The following DMD variants were observed in gnomAD, a reference collection of about 807,000 sequenced individuals.
DMD encodes the protein dystrophin, also known as mutant dystrophin.
In DMD, 63 loss-of-function variants were observed where a neutral mutation model predicts 330.1. The observed-to-expected ratio is 0.19, with a 90% CI of 0.16 to 0.24. The LOEUF is 0.24. DMD is among the 10% of genes least tolerant of loss of function. The pLI, the probability that DMD is intolerant of heterozygous loss-of-function variation, is 1.00. For missense variants in DMD, 3,344 were observed against 2,684.1 expected, an observed-to-expected ratio of 1.25 and a Z score of -5.43; for synonymous variants, 1,223 against 959.8, an observed-to-expected ratio of 1.27 and a Z score of -5.07.
chrX:31,833,293 G>GAGAGAGAGA (rs1569464426), intron 49 of DMD, among the ~76,000 whole-genome samples: 14 of 13,964 alleles, frequency 1.0e-3, no homozygotes, highest in Non-Finnish European at 1.2e-3. Flanking sequence ...AGAGAGAGAG[G>GAGAGAGAGA]GAGAGAGGGA....
At chrX:32,032,380 T>G (rs1416663270) in intron 44 of DMD, among the ~76,000 whole-genome samples, 1 of 111,677 alleles carries the variant, frequency 9.0e-6, no homozygotes, top group Non-Finnish European at 1.9e-5. Context: ...ATAATGTGTA[T>G]ATATTTATTT....
In DMD at chrX:32,801,063, A is replaced by C. The variant is rs552836469; in HGVS notation, c.649+8430T>G. The stretch of plus-strand genomic sequence containing the variant: ...TACCCAGTGATGGGATTGCTTGGTC[A>C]AATGGTATTTCTGGCTCTAGATCCT... On this transcript the variant is annotated intron_variant, in intron 7 of 78. Transcript: ENST00000357033. Among the ~76,000 whole-genome samples the C allele has an allele frequency of 4.5e-5, 5 of 111,597 alleles. No individual in the cohort carries two copies. The Admixed American group carries it at 4.7e-4, about 11-fold the overall frequency.
chrX:33,329,959 A>G (rs1303414976), intron 1 of DMD, among the ~76,000 whole-genome samples: 1 of 111,590 alleles, frequency 9.0e-6, no homozygotes, highest in Non-Finnish European at 1.9e-5. Flanking sequence ...TCCTTAATCT[A>G]TAAAGGGAAA....
intron 9 of DMD, among the ~76,000 whole-genome samples, chrX:32,684,920 C>T (rs1040420621): frequency 9.0e-6 from 1 of 111,391 alleles, no homozygotes; most frequent in African/African-American, 3.3e-5. Flanking sequence ...TTCTAACTTT[C>T]CTTAGAGTCT....
At chrX:31,649,591 T>G (rs1603439341) in intron 54 of DMD, among the ~76,000 whole-genome samples, 1 of 110,581 alleles carries the variant, frequency 9.0e-6, no homozygotes, top group Non-Finnish European at 1.9e-5. Context: ...ATTTTTTTTT[T>G]TTTTTGAGAC....
chrX:31,950,266 A>C (rs2095143210), intron 45 of DMD, among the ~76,000 whole-genome samples: 1 of 111,597 alleles, frequency 9.0e-6, no homozygotes, highest in Non-Finnish European at 1.9e-5. Context: ...TGGATTTAGA[A>C]GTTGTTGAAT....
intron 48 of DMD, among the ~76,000 whole-genome samples, chrX:31,845,070 A>ATG (rs1224665222): frequency 4.6e-5 from 4 of 87,881 alleles, no homozygotes; most frequent in African/African-American, 1.5e-4. Context: ...ATATATGTAT[A>ATG]TGTGTGTATA....
chrX:31,228,752 C>T (rs1401833202), intron 63 of DMD, among the ~76,000 whole-genome samples: 1 of 112,075 alleles, frequency 8.9e-6, no homozygotes, highest in Non-Finnish European at 1.9e-5. Flanking sequence ...ACAGCCGGAA[C>T]TCAAGAGGAG....
chrX:32,517,798 AT>A, intron 18 of DMD: 1 of 444,664 alleles, frequency 2.2e-6, no homozygotes, highest in Non-Finnish European at 3.9e-6. Flanking sequence ...TATGAAAGGC[AT>A]CCCTAGTCAG....
intron 64 of DMD, among the ~76,000 whole-genome samples, chrX:31,222,392 C>CAAAAAAAAAAAAAAAAAAAAA (rs57227723): frequency 8.7e-4 from 18 of 20,614 alleles, no homozygotes; most frequent in Non-Finnish European, 9.6e-4. Context: ...GACTCCATCT[C>CAAAAAAAAAAAAAAAAAAAAA]AAAAAAAAAA....
rs971729363 is a variant in DMD, at chrX:32,148,537, T to C, written c.6438+68379A>G. 6.3e-4 allele frequency among the ~76,000 whole-genome samples: 70 copies of C among 110,533 alleles called. 1 individual carries two copies. The highest frequency in any genetic ancestry group is 1.3e-3 in the Non-Finnish European group (69 of 52,895). ...AGGGATGACTTACAGAGGGACTTAA[T>C]AAAAATGCAGAATAAACTATTGTTT... is the stretch of plus-strand genomic sequence containing the variant. On this transcript the variant is annotated intron_variant, in intron 44 of 78. Coordinates refer to ENST00000357033, the MANE Select transcript of DMD (RefSeq NM_004006.3).
intron 59 of DMD, among the ~76,000 whole-genome samples, chrX:31,462,620 C>T (rs1202050225): frequency 8.9e-6 from 1 of 111,927 alleles, no homozygotes; most frequent in Non-Finnish European, 1.9e-5. Flanking sequence ...GTTTCCCTAA[C>T]TCCAATACAG....
At chrX:32,535,404 C>A (rs2047859677) in intron 17 of DMD, among the ~76,000 whole-genome samples, 1 of 111,656 alleles carries the variant, frequency 9.0e-6, no homozygotes, top group African/African-American at 3.3e-5. Flanking sequence ...AGAGAAAAGC[C>A]AAGGTCTTTT....
chrX:32,936,074 C>T (rs777531695), intron 2 of DMD, among the ~76,000 whole-genome samples: 1 of 109,503 alleles, frequency 9.1e-6, no homozygotes, highest in South Asian at 4.0e-4. Context: ...AAAAAACTGT[C>T]TAGAAACCAC....
intron 43 of DMD, among the ~76,000 whole-genome samples, chrX:32,283,657 T>C (rs766897384): frequency 8.9e-6 from 1 of 112,100 alleles, no homozygotes; most frequent in African/African-American, 3.2e-5. Context: ...AAACCTGTAT[T>C]GTAACAGCAG....
chrX:32,998,786 A>G (rs1431800240), intron 2 of DMD, among the ~76,000 whole-genome samples: 2 of 111,764 alleles, frequency 1.8e-5, no homozygotes, highest in African/African-American at 6.5e-5. Context: ...CACTACATAT[A>G]ACATATTCTC....
intron 72 of DMD, among the ~76,000 whole-genome samples, chrX:31,172,687 A>G (rs2040116333): frequency 1.8e-5 from 2 of 111,778 alleles, no homozygotes; most frequent in African/African-American, 6.5e-5. Flanking sequence ...CACTGAGAAC[A>G]GGTCTTTGTT....
At chrX:32,472,350 T>C in intron 21 of DMD, 41 bp from the exon 22 acceptor site, 2 of 1,185,082 alleles carry the variant, frequency 1.7e-6, no homozygotes, top group East Asian at 3.0e-5. Flanking sequence ...CACTTAATTG[T>C]TTCACACTTT....
At chrX:31,458,778 T>C (rs1229714640) in intron 59 of DMD, among the ~76,000 whole-genome samples, 1 of 110,120 alleles carries the variant, frequency 9.1e-6, no homozygotes, top group Admixed American at 9.8e-5. Flanking sequence ...AGATTCAAAG[T>C]GGGTCAGATT....
Sources: gnomAD v4.1 joint callset for allele counts (sites outside exome capture counted in the v4.1 genomes callset) on GRCh38, gnomAD v4.1.1 for gene constraint, MANE v1.5 for transcripts, NCBI Gene and HGNC (gene_info 2026-07-23, HGNC 2026-07-21) for gene names.